ATP1B2: variants seen among roughly 807,000 people sequenced by gnomAD.
ATP1B2 encodes sodium/potassium-transporting ATPase subunit beta-2.
In ATP1B2, 12 loss-of-function variants were observed where a neutral mutation model predicts 37.3. The observed-to-expected ratio is 0.32, with a 90% CI of 0.21 to 0.52. ATP1B2 has a LOEUF of 0.52. Among genes scored for constraint, ATP1B2 ranks in the 20% least tolerant of loss-of-function variants. The probability of loss-of-function intolerance (pLI) is 0.96; values close to 1 mark genes in which losing one functional copy is unlikely to be tolerated. For missense variants in ATP1B2, 324 were observed against 391.6 expected, an observed-to-expected ratio of 0.83 and a Z score of 1.46; for synonymous variants, 139 against 140.5, an observed-to-expected ratio of 0.99 and a Z score of 0.07.
chr17:7,646,980 C>T (rs112310176), upstream of ATP1B2, among the ~76,000 whole-genome samples: 28 of 151,730 alleles, frequency 1.8e-4, no homozygotes, highest in African/African-American at 5.1e-4. Flanking sequence ...GCATTTAGCC[C>T]GGTGAGACTA....
Position 7,651,296 on chromosome 17 carries a change from G to C in ATP1B2, c.-223G>C. Reference sequence around the variant, plus strand: ...GACAGCACCCCTTTTCATCGCAGTTGGGGGGCCTAGGATCGGTGCATCTTC... The same window carrying C: ...GACAGCACCCCTTTTCATCGCAGTTCGGGGGCCTAGGATCGGTGCATCTTC... On this transcript the variant is annotated 5_prime_UTR_variant, in exon 1 of 7. Coordinates refer to ENST00000250111, the MANE Select transcript of ATP1B2 (RefSeq NM_001678.5). The C allele has an allele frequency of 1.8e-6, 1 of 556,000 alleles. No individual in the cohort carries two copies. Among genetic ancestry groups the C allele is most frequent in the South Asian group, 2.0e-5 (1 of 50,108 alleles). 34.4% of individuals were successfully genotyped at this position (556,000 alleles called of 1,614,324 possible).
At chr17:7,649,494 TCTC>T (rs1364665452), upstream of ATP1B2, among the ~76,000 whole-genome samples, 1 of 151,610 alleles carries the variant, frequency 6.6e-6, no homozygotes, top group East Asian at 1.9e-4. Context: ...TTCAAGCAAT[TCTC>T]CTGCTTCAGC....
chr17:7,655,094 C>G lies in ATP1B2; in HGVS notation c.609+410C>G. On this transcript the variant is annotated intron_variant, in intron 5 of 6. Transcript: ENST00000250111. The surrounding 1 kb of genome is among the most constrained non-coding windows in gnomAD (Gnocchi z 4.4). ...CTGATCTGTTAGCACCATCTGCCAC[C>G]AGTTCGTTGTCCTTGGGACCCTGTT... 9.8e-6 allele frequency: 3 copies of G among 307,448 alleles called. No homozygotes were observed. Among genetic ancestry groups the G allele is most frequent in the South Asian group, 9.2e-5 (2 of 21,840 alleles). The allele number at this position is 307,448 out of a possible 1,614,324, so 19.0% of individuals were successfully genotyped here.
upstream of ATP1B2, among the ~76,000 whole-genome samples, chr17:7,647,915 C>A (rs1185662203): frequency 2.0e-5 from 3 of 151,964 alleles, no homozygotes; most frequent in Admixed American, 1.3e-4. Flanking sequence ...GCCCCAACTA[C>A]CTGGAGGCTG....
In ATP1B2 at chr17:7,655,315, A is replaced by T. The variant is rs574803824; in HGVS notation, c.610-212A>T. The T allele has an allele frequency of 1.7e-6, 1 of 595,488 alleles. No homozygotes were observed. Among genetic ancestry groups the T allele is most frequent in the Non-Finnish European group, 3.0e-6 (1 of 335,490 alleles). 36.9% of individuals were successfully genotyped at this position (595,488 alleles called of 1,614,324 possible). On this transcript the variant is annotated intron_variant, in intron 5 of 6. Coordinates refer to ENST00000250111, the MANE Select transcript of ATP1B2 (RefSeq NM_001678.5). The surrounding 1 kb of genome is among the most constrained non-coding windows in gnomAD (Gnocchi z 4.4). ...TTTCGTGCCATTAGCAGCCTTCAGG[A>T]GTTCCTAGAATGATGACAGGGACAG...
At position 7,657,458 on chromosome 17, in the gene ATP1B2, T is replaced by C. The variant is rs1474628932; in HGVS notation, c.*1563T>C. 1 of 152,108 alleles carries C rather than the reference T, an allele frequency of 6.6e-6. No homozygotes were observed. The highest frequency in any genetic ancestry group is 1.5e-5 in the Non-Finnish European group (1 of 68,058). 9.4% of individuals were successfully genotyped at this position (152,108 alleles called of 1,614,324 possible). ...AAATGAGGGGCCTCCTGCCTCCTGC[T>C]CTGAATATTCTGTAGCTGTAGAGGC... On this transcript the variant is annotated 3_prime_UTR_variant, in exon 7 of 7. Coordinates refer to ENST00000250111, the MANE Select transcript of ATP1B2 (RefSeq NM_001678.5).
intron 1 of ATP1B2, among the ~76,000 whole-genome samples, chr17:7,652,061 G>A (rs1302151296): frequency 2.6e-5 from 4 of 152,128 alleles, no homozygotes; most frequent in Admixed American, 2.6e-4. Flanking sequence ...TGAGGGGGCG[G>A]GTCTTGGGGG....
upstream of ATP1B2, among the ~76,000 whole-genome samples, chr17:7,648,802 T>C (rs1377317789): frequency 6.6e-6 from 1 of 152,052 alleles, no homozygotes; most frequent in Non-Finnish European, 1.5e-5. Context: ...GGCTTCTTAT[T>C]AGCCTGTAGG....
At chr17:7,651,843 G>GC (rs1411346850) in intron 1 of ATP1B2, among the ~76,000 whole-genome samples, 1 of 151,974 alleles carries the variant, frequency 6.6e-6, no homozygotes, top group Non-Finnish European at 1.5e-5. Flanking sequence ...CCGCCTTCCC[G>GC]CCCCCCGCGG....
chr17:7,651,335 G>T lies in ATP1B2; in HGVS notation c.-184G>T. 1 of 596,864 alleles carries T rather than the reference G, an allele frequency of 1.7e-6. No homozygotes were observed. The highest frequency in any genetic ancestry group is 3.0e-6 in the Non-Finnish European group (1 of 336,224). 37.0% of individuals were successfully genotyped at this position (596,864 alleles called of 1,614,324 possible). Reference sequence around the variant, plus strand: ...CGGTGCATCTTCCGCCGCGCTGCCAGCACCCCGCAGCGCGTGGTCGTGCAC... The same window carrying T: ...CGGTGCATCTTCCGCCGCGCTGCCATCACCCCGCAGCGCGTGGTCGTGCAC... On this transcript the variant is annotated 5_prime_UTR_variant, in exon 1 of 7. Transcript: ENST00000250111.
chr17:7,655,457 A>G lies in ATP1B2; in HGVS notation c.610-70A>G. The G allele has an allele frequency of 7.0e-7, 1 of 1,437,330 alleles. No homozygotes were observed. 89.0% of individuals were successfully genotyped at this position (1,437,330 alleles called of 1,614,324 possible). A position where few individuals can be genotyped will look rare whatever the true frequency, so the allele number is the denominator to read the frequency against. On this transcript the variant is annotated intron_variant, in intron 5 of 6. Coordinates refer to ENST00000250111, the MANE Select transcript of ATP1B2 (RefSeq NM_001678.5). The surrounding 1 kb of genome is among the most constrained non-coding windows in gnomAD (Gnocchi z 4.4). ...GAAGGAAGAACAAAAGAACAAATGG[A>G]AGTCTGGTGAGCTCCTGGGTGCCTG...
At chr17:7,649,662 C>T (rs2072597256), upstream of ATP1B2, among the ~76,000 whole-genome samples, 1 of 152,140 alleles carries the variant, frequency 6.6e-6, no homozygotes, top group South Asian at 2.1e-4. Flanking sequence ...ATGCCATTCT[C>T]CTGCCTCAGC....
In ATP1B2 at chr17:7,651,335, G is replaced by A. The variant is rs539938400; in HGVS notation, c.-184G>A. ...CGGTGCATCTTCCGCCGCGCTGCCA[G>A]CACCCCGCAGCGCGTGGTCGTGCAC... On this transcript the variant is annotated 5_prime_UTR_variant, in exon 1 of 7. Transcript: ENST00000250111. The A allele has an allele frequency of 2.5e-4, 149 of 596,864 alleles. No homozygotes were observed. The highest frequency in any genetic ancestry group is 9.0e-4 in the Middle Eastern group (2 of 2,212). 37.0% of individuals were successfully genotyped at this position (596,864 alleles called of 1,614,324 possible).
rs2150978966 is a variant in ATP1B2 at position 7,656,197 on chromosome 17, T to G, written c.*302T>G. 1 of 414,026 alleles carries G rather than the reference T, an allele frequency of 2.4e-6. No individual in the cohort carries two copies. The highest frequency in any genetic ancestry group is 4.6e-5 in the East Asian group (1 of 21,970). The allele number at this position is 414,026 out of a possible 1,614,324, so 25.6% of individuals were successfully genotyped here. A position where few individuals can be genotyped will look rare whatever the true frequency, so the allele number is the denominator to read the frequency against. ...GTTTAGCTGTGAGAGCTATCCACTC[T>G]CCTGCCTGCATATCCCCTGAGAGTT... On this transcript the variant is annotated 3_prime_UTR_variant, in exon 7 of 7. Coordinates refer to ENST00000250111, the MANE Select transcript of ATP1B2 (RefSeq NM_001678.5).
chr17:7,648,592 A>G (rs1232501286), upstream of ATP1B2, among the ~76,000 whole-genome samples: 1 of 145,712 alleles, frequency 6.9e-6, no homozygotes, highest in African/African-American at 2.5e-5. Flanking sequence ...AAAAAAAAAA[A>G]AAAAAAGTTT....
At chr17:7,650,437 C>T (rs1443288263), upstream of ATP1B2, among the ~76,000 whole-genome samples, 7 of 152,068 alleles carry the variant, frequency 4.6e-5, no homozygotes, top group African/African-American at 1.4e-4. Flanking sequence ...CTTTATCCAT[C>T]TCTGCGGGGC....
At chr17:7,646,700 A>G (rs1404327683), upstream of ATP1B2, 1 of 152,202 alleles carries the variant, frequency 6.6e-6, no homozygotes, top group Non-Finnish European at 1.5e-5. Context: ...GATGAGTATA[A>G]GGTAAGCACA....
chr17:7,653,170 G>T (rs1180661616), intron 1 of ATP1B2, among the ~76,000 whole-genome samples: 1 of 152,170 alleles, frequency 6.6e-6, no homozygotes, highest in Non-Finnish European at 1.5e-5. Flanking sequence ...CCAGGAGGGG[G>T]CTGGGAGTCA....
At position 7,655,622 on chromosome 17, in the gene ATP1B2, C is replaced by T. The variant is rs1324511807; in HGVS notation, c.705C>T (p.Phe235=). 17 of 1,614,148 alleles carry T rather than the reference C, an allele frequency of 1.1e-5. No homozygotes were observed. The highest frequency in any genetic ancestry group is 1.3e-5 in the Non-Finnish European group (15 of 1,180,028). Residue 235 remains phenylalanine, a synonymous_variant, in exon 6 of 7, where the codon TTC becomes TTT. Transcript: ENST00000250111. This position sits in a 1 kb window ranked among gnomAD's most constrained non-coding sequence, Gnocchi z 4.4. ...ACTTCCCCTACTATGGCAAAAAGTT[C>T]CACGTAAGTCCCAGGGGAGGCCCAG... ...LMYFPYYGKK[F]HVNYTQPLVA...
Sources: allele counts gnomAD v4.1 joint callset (sites outside exome capture counted in the v4.1 genomes callset), GRCh38; gene constraint gnomAD v4.1.1; non-coding constraint Gnocchi (gnomAD v3.1); transcripts MANE v1.5; gene names NCBI Gene and HGNC (gene_info 2026-07-23, HGNC 2026-07-21).